Variants in KNL1 observed in about 807,000 individuals in gnomAD.
The protein encoded by KNL1 is outer kinetochore KNL1 complex subunit KNL1.
KNL1 carries 66 observed loss-of-function variants against 201.3 expected under a neutral mutation model. The ratio of observed to expected loss-of-function variants is 0.33; its 90% CI spans 0.27 to 0.40. The LOEUF is 0.40. KNL1 is among the 10% of genes least tolerant of loss of function. The pLI is 1.00. For synonymous variants in KNL1, 895 were observed against 899.2 expected (o/e 1.00, Z 0.08); for missense variants, 2,815 against 2,690.5 (o/e 1.05, Z -1.02).
chr15:40,630,090 C>G (rs909195877), intron 13 of KNL1, among the ~76,000 whole-genome samples: 30 of 152,120 alleles, frequency 2.0e-4, no homozygotes, highest in African/African-American at 7.2e-4. Flanking sequence ...ACTCAAGAGG[C>G]TGAGGTGGAA....
chr15:40,635,890 G>A (rs1020494386), intron 13 of KNL1, among the ~76,000 whole-genome samples: 4 of 152,014 alleles, frequency 2.6e-5, no homozygotes, highest in African/African-American at 2.4e-5. Context: ...TTTTTGAGAC[G>A]GAGTCTCGCT....
At chr15:40,653,201 AT>A (rs1485471735) in intron 21 of KNL1, among the ~76,000 whole-genome samples, 3 of 151,740 alleles carry the variant, frequency 2.0e-5, no homozygotes, top group African/African-American at 7.3e-5. Context: ...TTATTTATTT[AT>A]TTTTTTGAGA....
At position 40,659,448 on chromosome 15, in the gene KNL1, G is replaced by A. The variant is rs1045310696; in HGVS notation, c.6823G>A (p.Val2275Ile). ...VPLPSTIQNH[V>I]GNTSQDDIAT... ...ATTACCTTCCACCATTCAGAATCAC[G>A]TTGGGAACACTAGGTGAGTAAAGGG... Residue 2275 changes from valine (V) to isoleucine (I), a missense_variant, in exon 25 of 26, where the codon GTT (valine) becomes ATT (isoleucine). Physicochemically the swap from Val to Ile is conservative, Grantham distance 29 (BLOSUM62 3). This residue lies in a region of KNL1 where 334 missense variants were observed against 362.6 expected (regional missense o/e 0.92). Transcript: ENST00000399668. The A allele has an allele frequency of 2.9e-5, 47 of 1,612,918 alleles. No homozygotes were observed. The highest frequency in any genetic ancestry group is 1.6e-4 in the Middle Eastern group (1 of 6,084).
intron 13 of KNL1, among the ~76,000 whole-genome samples, chr15:40,637,864 C>T (rs1209238990): frequency 1.3e-5 from 2 of 150,678 alleles, no homozygotes; most frequent in Admixed American, 1.3e-4. Context: ...GCAAATATTC[C>T]AAAAATCTGA....
rs1043269559 is a variant in KNL1 at position 40,645,835 on chromosome 15, T to C, written c.6006+63T>C. The stretch of plus-strand genomic sequence containing the variant: ...TATTAAAATTACTTTCTAATGGTTA[T>C]AGAATATGAAGAATCTTCCTTAGAA... On this transcript the variant is annotated intron_variant, in intron 16 of 25. Coordinates refer to ENST00000399668, the MANE Select transcript of KNL1 (RefSeq NM_144508.5). 6.9e-6 allele frequency: 6 copies of C among 865,480 alleles called. No homozygotes were observed. In the African/African-American group the frequency reaches 7.0e-5, roughly 10 times the overall value. The allele number at this position is 865,480 out of a possible 1,614,324, so 53.6% of individuals were successfully genotyped here. A position where few individuals can be genotyped will look rare whatever the true frequency, so the allele number is the denominator to read the frequency against.
Position 40,621,388 on chromosome 15 carries a change from T to G in KNL1, c.1124T>G (p.Leu375Arg). The stretch of plus-strand genomic sequence containing the variant: ...AAACAAAATACTGCTTTTCAAGACC[T>G]TTCCATAAACTCTGCAGACAAAATA... ...KSKQNTAFQD[L>R]SINSADKIHI... The change falls in exon 10 of 26, where the codon CTT becomes CGT. Residue 375 changes from leucine to arginine, a missense_variant. Leu to Arg is a moderately radical substitution (Grantham distance 102). Coordinates refer to ENST00000399668, the MANE Select transcript of KNL1 (RefSeq NM_144508.5). 1 of 1,611,450 alleles carries G rather than the reference T, an allele frequency of 6.2e-7. No individual in the cohort carries two copies. The highest frequency in any genetic ancestry group is 8.5e-7 in the Non-Finnish European group (1 of 1,178,576).
chr15:40,633,738 G>A (rs4923880), intron 13 of KNL1, among the ~76,000 whole-genome samples: 57,817 of 151,662 alleles, frequency 0.38, 11,544 homozygotes, highest in Non-Finnish European at 0.44. Context: ...ATGGGGTCTC[G>A]GTATGTTGAC....
chr15:40,619,907 TA>T (rs1260864300), intron 9 of KNL1, among the ~76,000 whole-genome samples: 1 of 152,212 alleles, frequency 6.6e-6, no homozygotes, highest in Non-Finnish European at 1.5e-5. Context: ...CACTAAAAAG[TA>T]AATTACTCGC....
rs1345666898 is a variant in KNL1, at chr15:40,659,423, A to T, written c.6798A>T (p.Pro2266=). The change falls in exon 25 of 26, where the codon CCA becomes CCT. Residue 2266 remains proline, a synonymous_variant. Transcript: ENST00000399668. ...TCTCAGCCTATTATCCATCTGTACC[A>T]TTACCTTCCACCATTCAGAATCACG... ...LFLSAYYPSV[P]LPSTIQNHVG... is the part of the protein sequence containing the mutation. The T allele has an allele frequency of 6.2e-7, 1 of 1,613,734 alleles. No individual in the cohort carries two copies. The highest frequency in any genetic ancestry group is 8.5e-7 in the Non-Finnish European group (1 of 1,179,812).
At chr15:40,595,539 G>A (rs1891595928) in intron 1 of KNL1, among the ~76,000 whole-genome samples, 2 of 152,198 alleles carry the variant, frequency 1.3e-5, no homozygotes, top group South Asian at 4.1e-4. Context: ...ATAAATACAT[G>A]TAAATTGAAT....
chr15:40,644,973 C>G, intron 14 of KNL1, 24 bp from the exon 15 acceptor site: 3 of 1,491,372 alleles, frequency 2.0e-6, no homozygotes, highest in South Asian at 2.3e-5. Flanking sequence ...CCCTACAGTG[C>G]TAATTAACTT....
chr15:40,600,142 G>T (rs1468645153), intron 1 of KNL1, among the ~76,000 whole-genome samples: 1 of 141,502 alleles, frequency 7.1e-6, no homozygotes, highest in Non-Finnish European at 1.5e-5. Flanking sequence ...GTGGCCCCGT[G>T]TTGGCTCACT....
chr15:40,632,911 A>T (rs1892953903), intron 13 of KNL1, among the ~76,000 whole-genome samples: 1 of 152,162 alleles, frequency 6.6e-6, no homozygotes, highest in Admixed American at 6.5e-5. Flanking sequence ...ATAAATAAAT[A>T]AAATACGACC....
At position 40,623,435 on chromosome 15, in the gene KNL1, T is replaced by G; in HGVS notation, c.3171T>G (p.Pro1057=). Residue 1057 remains proline (P), a synonymous_variant, in exon 10 of 26, where the codon CCT becomes CCG. Coordinates refer to ENST00000399668, the MANE Select transcript of KNL1 (RefSeq NM_144508.5). ...DVQSPGFLNE[P]LSSKSQRRKS... ...AAAGTCCTGGATTTCTGAATGAACC[T>G]CTATCAAGCAAAAGTCAGAGAAGAA... 1 of 1,612,702 alleles carries G rather than the reference T, an allele frequency of 6.2e-7. No individual in the cohort carries two copies. Among genetic ancestry groups the G allele is most frequent in the East Asian group, 2.2e-5 (1 of 44,870 alleles).
chr15:40,617,365 T>A (rs1567005044), intron 8 of KNL1, among the ~76,000 whole-genome samples: 2 of 152,112 alleles, frequency 1.3e-5, no homozygotes, highest in Admixed American at 1.3e-4. Flanking sequence ...ATCCAAAGTG[T>A]CCAGTCCACA....
At chr15:40,645,863 C>A in intron 16 of KNL1, 91 bp downstream of exon 16, 1 of 689,414 alleles carries the variant, frequency 1.5e-6, no homozygotes, top group South Asian at 2.8e-5. Context: ...CCTTAGAAGA[C>A]ATGTGAATAA....
chr15:40,615,238 A>G (rs1165689832), intron 7 of KNL1, 103 bp from the exon 8 acceptor site: 5 of 382,010 alleles, frequency 1.3e-5, no homozygotes, highest in South Asian at 7.8e-5. Flanking sequence ...TCTGCTAGTC[A>G]TTCTATGAAA....
At chr15:40,649,341 G>A (rs1175618742) in intron 17 of KNL1, among the ~76,000 whole-genome samples, 2 of 151,912 alleles carry the variant, frequency 1.3e-5, no homozygotes, top group Admixed American at 1.3e-4. Flanking sequence ...TGTCACCCAG[G>A]CTGGAGTGCA....
intron 10 of KNL1, among the ~76,000 whole-genome samples, chr15:40,626,692 G>A (rs1204964436): frequency 1.3e-5 from 2 of 151,516 alleles, no homozygotes; most frequent in East Asian, 1.9e-4. Context: ...TGATTGTCGT[G>A]TCTCAGCCTC....
Sources: allele counts gnomAD v4.1 joint callset (sites outside exome capture counted in the v4.1 genomes callset), GRCh38; gene constraint gnomAD v4.1.1; regional missense constraint gnomAD v4.1.1; transcripts MANE v1.5; gene names NCBI Gene and HGNC (gene_info 2026-07-23, HGNC 2026-07-21).